MNT: variants seen among roughly 807,000 people sequenced by gnomAD.
MNT encodes the protein max-binding protein MNT.
A neutral mutation model predicts 40.7 loss-of-function variants in MNT; 13 were observed. The ratio of observed to expected loss-of-function variants is 0.32; its 90% CI spans 0.21 to 0.51. The LOEUF (loss-of-function observed/expected upper bound fraction) is 0.51. Ranked by LOEUF, MNT falls within the 20% of genes least tolerant of loss-of-function variation. The pLI is 0.98. For missense variants in MNT, 757 were observed against 792.0 expected, an observed-to-expected ratio of 0.96 and a Z score of 0.53; for synonymous variants, 426 against 354.8, an observed-to-expected ratio of 1.20 and a Z score of -2.26.
intron 4 of MNT, chr17:2,392,700 C>T (rs1000954827): frequency 6.6e-6 from 1 of 151,976 alleles, no homozygotes; most frequent in Non-Finnish European, 1.5e-5. Flanking sequence ...ACGCGCGCAC[C>T]CACGCGGCCG....
chr17:2,400,389 CA>C (rs1567871161), intron 1 of MNT: 2 of 418,228 alleles, frequency 4.8e-6, no homozygotes, highest in Non-Finnish European at 8.6e-6. Context: ...AGAAGGGGCA[CA>C]GGGGTGCCAC....
At chr17:2,388,636 C>T (rs2066488329) in intron 4 of MNT, among the ~76,000 whole-genome samples, 1 of 152,066 alleles carries the variant, frequency 6.6e-6, no homozygotes, top group Non-Finnish European at 1.5e-5. Flanking sequence ...CATGCTGCTC[C>T]CCATCACCCT....
intron 2 of MNT, 118 bp downstream of exon 2, chr17:2,394,754 TGAC>T: frequency 1.5e-6 from 1 of 688,742 alleles, no homozygotes; most frequent in Non-Finnish European, 2.5e-6. Context: ...GGCACAGTGA[TGAC>T]GTGTTCAAAT....
At position 2,387,036 on chromosome 17, in the gene MNT, C is replaced by A. The variant is rs778974120; in HGVS notation, c.1614G>T (p.Pro538=). 1 of 1,552,472 alleles carries A rather than the reference C, an allele frequency of 6.4e-7. No individual in the cohort carries two copies. Among genetic ancestry groups the A allele is most frequent in the African/African-American group, 1.4e-5 (1 of 73,650 alleles). ...QVNGTAGLGP[P]ATVMAKPAVG... ...CGGCCGGCTTTGCCATGACAGTAGCCGGGGGCCCCAGGCCGGCCGTGCCGT... is the reference window on the plus strand; with the variant it reads ...CGGCCGGCTTTGCCATGACAGTAGCAGGGGGCCCCAGGCCGGCCGTGCCGT... Residue 538 remains proline (P), a synonymous_variant, in exon 6 of 6, where the codon CCG becomes CCT. Transcript: ENST00000174618.
Position 2,386,964 on chromosome 17 carries a change from C to A in MNT, c.1686G>T (p.Val562=). ...VHHPQLVGQT[V]LNPVTMVTMP... is the part of the protein sequence containing the mutation. ...TGGTGACCATGGTCACAGGGTTGAG[C>A]ACGGTCTGGCCCACCAGCTGGGGGT... The change falls in exon 6 of 6, where the codon GTG becomes GTT. Residue 562 remains valine, a synonymous_variant. Transcript: ENST00000174618. 6.6e-7 allele frequency: 1 copy of A among 1,520,368 alleles called. No individual in the cohort carries two copies. Among genetic ancestry groups the A allele is most frequent in the Admixed American group, 2.1e-5 (1 of 48,486 alleles). The allele number at this position is 1,520,368 out of a possible 1,614,324, so 94.2% of individuals were successfully genotyped here. A position where few individuals can be genotyped will look rare whatever the true frequency, so the allele number is the denominator to read the frequency against.
intron 1 of MNT, among the ~76,000 whole-genome samples, chr17:2,397,263 C>A (rs1004955530): frequency 1.3e-4 from 20 of 152,094 alleles, no homozygotes; most frequent in Admixed American, 5.9e-4. Flanking sequence ...TCCCACAGAC[C>A]GCAGTGGCCA....
intron 4 of MNT, chr17:2,390,969 G>A (rs2066508383): frequency 6.6e-6 from 1 of 152,154 alleles, no homozygotes; most frequent in Non-Finnish European, 1.5e-5. Context: ...AAACTCCCTT[G>A]CCCCTACACA....
chr17:2,394,277 G>GCGCA (rs1555611876), intron 3 of MNT, 28 bp downstream of exon 3: 92 of 1,489,238 alleles, frequency 6.2e-5, no homozygotes, highest in African/African-American at 4.4e-4. Flanking sequence ...ACGCACGCAC[G>GCGCA]CACACACACA....
rs953282078 is a variant in MNT at position 2,384,174 on chromosome 17, T to G, written c.*2727A>C. The G allele has an allele frequency of 6.6e-6, 1 of 152,596 alleles. No homozygotes were observed. Among genetic ancestry groups the G allele is most frequent in the African/African-American group, 2.4e-5 (1 of 41,438 alleles). The allele number at this position is 152,596 out of a possible 1,614,324, so 9.5% of individuals were successfully genotyped here. ...TCTCGGTAACTAAAGTCTTGGAGCA[T>G]GAACAGCCACTAGAATACAGTTCAA... On this transcript the variant is annotated 3_prime_UTR_variant, in exon 6 of 6. Coordinates refer to ENST00000174618, the MANE Select transcript of MNT (RefSeq NM_020310.3).
chr17:2,387,624 A>T lies in MNT; in HGVS notation c.1026T>A (p.Asp342Glu), dbSNP rs1020635128. The T allele has an allele frequency of 1.9e-6, 3 of 1,613,844 alleles. No homozygotes were observed. The African/African-American group carries it at 4.0e-5, about 22-fold the overall frequency. The change falls in exon 6 of 6, where the codon GAT (aspartate) becomes GAA (glutamate). Residue 342 changes from aspartate to glutamate, a missense_variant. Around this residue, in one of 4 missense-constraint regions of MNT, gnomAD observed 345 missense variants for 380.1 expected, o/e 0.91. Coordinates refer to ENST00000174618, the MANE Select transcript of MNT (RefSeq NM_020310.3). ...CCAGGCCCGCCCGGTCCTCCTCCAT[A>T]TCCTCGTCTATGTTGTCCTCACCCT... ...ASEGEDNIDE[D>E]MEEDRAGLGP...
At chr17:2,390,877 T>C (rs1468015722) in intron 4 of MNT, 1 of 152,256 alleles carries the variant, frequency 6.6e-6, no homozygotes, top group African/African-American at 2.4e-5. Flanking sequence ...GACACTTCTG[T>C]TGCCAGTCCC....
At chr17:2,392,526 G>C (rs543051451) in intron 4 of MNT, among the ~76,000 whole-genome samples, 1 of 152,248 alleles carries the variant, frequency 6.6e-6, no homozygotes, top group Non-Finnish European at 1.5e-5. Flanking sequence ...CTAAGCAAAT[G>C]TCGGGAGTGC....
In MNT at chr17:2,401,013, C is replaced by T. The variant is rs2066611426; in HGVS notation, c.-301G>A. ...ACCTCCCTTCCGATGCCTCCCGCCC[C>T]GCGGCCCCCGGGAGTCCCGCCGACA... On this transcript the variant is annotated 5_prime_UTR_variant, in exon 1 of 6. Transcript: ENST00000174618. The T allele has an allele frequency of 3.6e-6, 1 of 277,086 alleles. No individual in the cohort carries two copies. The highest frequency in any genetic ancestry group is 5.6e-5 in the Admixed American group (1 of 17,784). 17.2% of individuals were successfully genotyped at this position (277,086 alleles called of 1,614,324 possible). A position where few individuals can be genotyped will look rare whatever the true frequency, so the allele number is the denominator to read the frequency against.
At chr17:2,399,171 G>A (rs565401142) in intron 1 of MNT, among the ~76,000 whole-genome samples, 41 of 152,270 alleles carry the variant, frequency 2.7e-4, no homozygotes, top group African/African-American at 7.7e-4. Flanking sequence ...GGGGATTCTG[G>A]GGGGCGGGGA....
intron 1 of MNT, among the ~76,000 whole-genome samples, chr17:2,395,938 C>A (rs1026603771): frequency 3.3e-5 from 5 of 152,196 alleles, no homozygotes; most frequent in African/African-American, 1.2e-4. Context: ...CCGTGGAAGG[C>A]CTTTAACAAT....
rs929775665 is a variant in MNT, at chr17:2,386,488, C to T, written c.*413G>A. 10 of 188,188 alleles carry T rather than the reference C, an allele frequency of 5.3e-5. No homozygotes were observed. The highest frequency in any genetic ancestry group is 1.2e-4 in the African/African-American group (5 of 42,656). 11.7% of individuals were successfully genotyped at this position (188,188 alleles called of 1,614,324 possible). On this transcript the variant is annotated 3_prime_UTR_variant, in exon 6 of 6. Coordinates refer to ENST00000174618, the MANE Select transcript of MNT (RefSeq NM_020310.3). ...GGCCTGGGAAGAGAACATGAGGCTC[C>T]GGAGGAAAGCCGGGGGCCTGGGCCA...
Position 2,387,351 on chromosome 17 carries a change from C to T in MNT, c.1299G>A (p.Thr433=), listed in dbSNP as rs1163376433. ...LVPAPAHLVA[T]AGGGSTVIAH... Reference sequence around the variant, plus strand: ...CGATGACCGTGGAGCCACCCCCAGCCGTCGCCACCAGATGGGCTGGAGCTG... The same window carrying T: ...CGATGACCGTGGAGCCACCCCCAGCTGTCGCCACCAGATGGGCTGGAGCTG... Residue 433 remains threonine, a synonymous_variant, in exon 6 of 6, where the codon ACG becomes ACA. Coordinates refer to ENST00000174618, the MANE Select transcript of MNT (RefSeq NM_020310.3). 6 of 1,612,296 alleles carry T rather than the reference C, an allele frequency of 3.7e-6. No individual in the cohort carries two copies. Among genetic ancestry groups the T allele is most frequent in the East Asian group, 2.2e-5 (1 of 44,802 alleles).
chr17:2,397,056 G>C (rs971168739), intron 1 of MNT, among the ~76,000 whole-genome samples: 1 of 152,212 alleles, frequency 6.6e-6, no homozygotes, highest in Non-Finnish European at 1.5e-5. Context: ...AGGAGGAAGC[G>C]GAGGGGGAAG....
At chr17:2,399,867 G>A (rs2066602697) in intron 1 of MNT, among the ~76,000 whole-genome samples, 1 of 152,210 alleles carries the variant, frequency 6.6e-6, no homozygotes, top group African/African-American at 2.4e-5. Context: ...GCTAAAGCGG[G>A]GCGCAGCGAG....
Sources: allele counts gnomAD v4.1 joint callset (sites outside exome capture counted in the v4.1 genomes callset), GRCh38; gene constraint gnomAD v4.1.1; regional missense constraint gnomAD v4.1.1; transcripts MANE v1.5; gene names NCBI Gene and HGNC (gene_info 2026-07-23, HGNC 2026-07-21).